Variants in ANKS1B observed in about 807,000 individuals in gnomAD.
ANKS1B encodes ankyrin repeat and sterile alpha motif domain containing 1B.
ANKS1B carries 36 observed loss-of-function variants against 148.3 expected under a neutral mutation model. That is an observed-to-expected ratio of 0.24 (90% CI 0.19 to 0.32). ANKS1B has a LOEUF of 0.32. ANKS1B is among the 10% of genes least tolerant of loss of function. The pLI, the probability that ANKS1B is intolerant of heterozygous loss-of-function variation, is 1.00. For missense variants in ANKS1B, 1,157 were observed against 1,542.6 expected, an observed-to-expected ratio of 0.75 and a Z score of 4.19; for synonymous variants, 542 against 560.8, an observed-to-expected ratio of 0.97 and a Z score of 0.47.
chr12:99,029,088 C>G (rs1029310297), intron 17 of ANKS1B, among the ~76,000 whole-genome samples: 1 of 152,118 alleles, frequency 6.6e-6, no homozygotes. Flanking sequence ...CTAAGTGAAT[C>G]AAGCCTACTT....
intron 14 of ANKS1B, among the ~76,000 whole-genome samples, chr12:99,159,060 T>C (rs919738769): frequency 1.3e-5 from 2 of 152,072 alleles, no homozygotes; most frequent in Non-Finnish European, 2.9e-5. Context: ...TGCTTACATA[T>C]AGGGTAGAGG....
At position 98,941,044 on chromosome 12, in the gene ANKS1B, A is replaced by G. The variant is rs2099835865; in HGVS notation, c.2779-108908T>C. The stretch of plus-strand genomic sequence containing the variant: ...TCACTACAAACACTGAATTGCAAAT[A>G]CTGAATGATTGCACCTAGGGGAAAT... On this transcript the variant is annotated intron_variant, in intron 17 of 26. Transcript: ENST00000683438. Among the ~76,000 whole-genome samples the G allele has an allele frequency of 2.0e-5, 3 of 152,212 alleles. No individual in the cohort carries two copies. The South Asian group carries it at 6.2e-4, about 32-fold the overall frequency.
chr12:98,966,785 A>C (rs2099878305), intron 17 of ANKS1B, among the ~76,000 whole-genome samples: 1 of 151,204 alleles, frequency 6.6e-6, no homozygotes, highest in African/African-American at 2.4e-5. Flanking sequence ...AAACTATCGC[A>C]AGGATAAAAA....
chr12:99,105,033 T>C (rs1038692088), intron 15 of ANKS1B: 1 of 152,240 alleles, frequency 6.6e-6, no homozygotes, highest in Admixed American at 6.5e-5. Flanking sequence ...GGGGTTTTAT[T>C]TGTAAATCTG....
At chr12:99,335,652 A>G (rs2088666097) in intron 12 of ANKS1B, among the ~76,000 whole-genome samples, 1 of 152,124 alleles carries the variant, frequency 6.6e-6, no homozygotes, top group Non-Finnish European at 1.5e-5. Flanking sequence ...CTCCAGTCCC[A>G]TCCATATTGT....
At chr12:99,292,135 A>C (rs896725536) in intron 12 of ANKS1B, among the ~76,000 whole-genome samples, 24 of 152,166 alleles carry the variant, frequency 1.6e-4, no homozygotes, top group Admixed American at 1.6e-3. Flanking sequence ...AGCAATGGTA[A>C]CAAAGCCAAA....
At chr12:99,734,734 C>G (rs988441102) in intron 8 of ANKS1B, among the ~76,000 whole-genome samples, 1 of 152,176 alleles carries the variant, frequency 6.6e-6, no homozygotes, top group Admixed American at 6.5e-5. Flanking sequence ...TTTTCACCTC[C>G]AAGTCACTCC....
intron 2 of ANKS1B, among the ~76,000 whole-genome samples, chr12:99,817,927 T>G (rs1307470619): frequency 1.3e-5 from 2 of 151,866 alleles, no homozygotes; most frequent in African/African-American, 4.8e-5. Flanking sequence ...ATAGATAGTC[T>G]GCAAATATTT....
chr12:99,537,541 T>C (rs1383785691), intron 9 of ANKS1B, among the ~76,000 whole-genome samples: 1 of 152,202 alleles, frequency 6.6e-6, no homozygotes, highest in East Asian at 1.9e-4. Flanking sequence ...CATACGCCTG[T>C]TTTCCAGTTG....
At chr12:99,160,867 T>C (rs1158495044) in intron 14 of ANKS1B, among the ~76,000 whole-genome samples, 1 of 152,202 alleles carries the variant, frequency 6.6e-6, no homozygotes, top group African/African-American at 2.4e-5. Flanking sequence ...GCTTTATATC[T>C]GGGTCCTCTA....
intron 14 of ANKS1B, among the ~76,000 whole-genome samples, chr12:99,221,080 C>A (rs182310143): frequency 3.4e-4 from 52 of 152,082 alleles, no homozygotes; most frequent in African/African-American, 1.1e-3. Context: ...TGGCTCACGC[C>A]TTTAATCCCA....
At chr12:99,061,897 T>C (rs1458618482) in intron 16 of ANKS1B, among the ~76,000 whole-genome samples, 1 of 152,212 alleles carries the variant, frequency 6.6e-6, no homozygotes, top group Non-Finnish European at 1.5e-5. Flanking sequence ...CACAGCATCA[T>C]CCCTTTGTAA....
chr12:99,580,365 T>A (rs2097558797), intron 9 of ANKS1B, among the ~76,000 whole-genome samples: 1 of 151,882 alleles, frequency 6.6e-6, no homozygotes, highest in South Asian at 2.1e-4. Context: ...AGAAAAAAAA[T>A]TAAAAATTAA....
chr12:99,366,782 GC>G (rs1169990682), intron 12 of ANKS1B, among the ~76,000 whole-genome samples: 1 of 152,084 alleles, frequency 6.6e-6, no homozygotes, highest in Non-Finnish European at 1.5e-5. Context: ...GAGTGAGGGA[GC>G]CTTTCTAACT....
At chr12:99,781,119 T>A (rs1251901668) in intron 5 of ANKS1B, among the ~76,000 whole-genome samples, 2 of 151,432 alleles carry the variant, frequency 1.3e-5, no homozygotes, top group Non-Finnish European at 2.9e-5. Flanking sequence ...TAGTTCATTG[T>A]AAGATTATTA....
intron 15 of ANKS1B, among the ~76,000 whole-genome samples, chr12:99,089,472 C>A (rs2153640547): frequency 6.6e-6 from 1 of 152,292 alleles, no homozygotes; most frequent in Middle Eastern, 3.4e-3. Flanking sequence ...TGATGGCCAC[C>A]ATATTGGACA....
At chr12:99,524,791 T>C (rs934469132) in intron 9 of ANKS1B, among the ~76,000 whole-genome samples, 3 of 152,086 alleles carry the variant, frequency 2.0e-5, no homozygotes, top group African/African-American at 7.2e-5. Flanking sequence ...CCATCAGATC[T>C]CATGAGATTT....
chr12:99,620,483 T>C (rs1299572720), intron 9 of ANKS1B, among the ~76,000 whole-genome samples: 1 of 152,032 alleles, frequency 6.6e-6, no homozygotes, highest in African/African-American at 2.4e-5. Context: ...ACAAATAAAC[T>C]TCTAAAGCAA....
intron 1 of ANKS1B, among the ~76,000 whole-genome samples, chr12:99,929,589 T>C (rs1173061920): frequency 6.6e-6 from 1 of 152,206 alleles, no homozygotes. Context: ...ATGTTCTGAA[T>C]GGTATTGCCT....
Sources: allele counts gnomAD v4.1 joint callset (sites outside exome capture counted in the v4.1 genomes callset), GRCh38; gene constraint gnomAD v4.1.1; transcripts MANE v1.5; gene names NCBI Gene and HGNC (gene_info 2026-07-23, HGNC 2026-07-21).